Variants in TMEM132B observed in about 807,000 individuals in gnomAD.
TMEM132B encodes the protein transmembrane protein 132B.
In TMEM132B, 18 loss-of-function variants were observed where a neutral mutation model predicts 90.8. The observed-to-expected ratio is 0.20, with a 90% CI of 0.14 to 0.29. TMEM132B has a LOEUF of 0.29. Ranked by LOEUF, TMEM132B falls within the 10% of genes least tolerant of loss-of-function variation. TMEM132B has a pLI of 1.00. For synonymous variants in TMEM132B, 504 were observed against 523.3 expected, an observed-to-expected ratio of 0.96 and a Z score of 0.50; for missense variants, 1,096 against 1,326.8, an observed-to-expected ratio of 0.83 and a Z score of 2.70.
rs1566041169 is a variant in TMEM132B, at chr12:125,454,392, T to TTTGTGTGTGTG, written c.1106+38716_1106+38717insTGTGTGTGTGT. On this transcript the variant is annotated intron_variant, in intron 3 of 8. Coordinates refer to ENST00000682704, the MANE Select transcript of TMEM132B (RefSeq NM_001366854.1). ...CAGCCAGCCGTGTGTGTGTGTGTGT[T>TTTGTGTGTGTG]TGTGTGTGTGTGTGTGTGTGTGTGT... Among the ~76,000 whole-genome samples, 115 of 112,078 alleles carry TTTGTGTGTGTG rather than the reference T, an allele frequency of 1.0e-3. 2 individuals are homozygous for TTTGTGTGTGTG. Among genetic ancestry groups the TTTGTGTGTGTG allele is most frequent in the Middle Eastern group, 6.3e-3 (1 of 160 alleles). The allele number at this position is 112,078 out of a possible 152,430, so 73.5% of individuals were successfully genotyped here.
At chr12:125,393,490 G>A (rs753646639) in intron 2 of TMEM132B, among the ~76,000 whole-genome samples, 9 of 152,008 alleles carry the variant, frequency 5.9e-5, no homozygotes, top group Non-Finnish European at 1.0e-4. Flanking sequence ...CCTGGAGGAG[G>A]CATCAATTAA....
At chr12:125,313,567 CT>C (rs1390772201) in intron 1 of TMEM132B, among the ~76,000 whole-genome samples, 1 of 88,508 alleles carries the variant, frequency 1.1e-5, no homozygotes, top group East Asian at 4.9e-4. Flanking sequence ...TCCCCCTCCC[CT>C]CTCCTTTCCC....
intron 4 of TMEM132B, among the ~76,000 whole-genome samples, chr12:125,578,321 T>A (rs566466218): frequency 1.3e-5 from 2 of 152,314 alleles, no homozygotes; most frequent in South Asian, 4.1e-4. Context: ...TTATATTTTC[T>A]TGTTGATTGA....
intron 1 of TMEM132B, among the ~76,000 whole-genome samples, chr12:125,299,327 C>T (rs547883428): frequency 1.6e-4 from 24 of 152,266 alleles, no homozygotes; most frequent in Non-Finnish European, 2.1e-4. Context: ...GGACTCATCA[C>T]TCACTGGCTT....
chr12:125,205,133 G>A (rs1177184020), intron 1 of TMEM132B, among the ~76,000 whole-genome samples: 1 of 150,736 alleles, frequency 6.6e-6, no homozygotes, highest in African/African-American at 2.4e-5. Flanking sequence ...CTCTTTATGT[G>A]GAGTATCTCA....
chr12:125,557,466 C>A (rs117758808), intron 4 of TMEM132B, among the ~76,000 whole-genome samples: 2,603 of 152,266 alleles, frequency 0.017, 22 homozygotes, highest in Middle Eastern at 0.078. Context: ...TATTACATAT[C>A]ATCTGGGTCA....
chr12:125,364,361 A>G (rs1424348317), intron 2 of TMEM132B, among the ~76,000 whole-genome samples: 1 of 152,228 alleles, frequency 6.6e-6, no homozygotes, highest in South Asian at 2.1e-4. Flanking sequence ...GTGAGAATCC[A>G]TATACCCACC....
chr12:125,566,135 C>CTTTA (rs1329944905), intron 4 of TMEM132B, among the ~76,000 whole-genome samples: 1 of 152,192 alleles, frequency 6.6e-6, no homozygotes, highest in Non-Finnish European at 1.5e-5. Context: ...TGACCAAAAC[C>CTTTA]TTTAGTACCT....
chr12:125,418,517 C>G (rs1223379040), intron 3 of TMEM132B, among the ~76,000 whole-genome samples: 1 of 152,078 alleles, frequency 6.6e-6, no homozygotes, highest in Non-Finnish European at 1.5e-5. Context: ...CTTTTTATCC[C>G]TTTTTTTGTT....
At chr12:125,303,097 T>C (rs963495719) in intron 1 of TMEM132B, among the ~76,000 whole-genome samples, 14 of 147,840 alleles carry the variant, frequency 9.5e-5, no homozygotes, top group African/African-American at 3.5e-4. Context: ...CTCTGCATAT[T>C]AAAAAAAAAA....
intron 5 of TMEM132B, among the ~76,000 whole-genome samples, chr12:125,606,756 C>T (rs889850841): frequency 3.9e-5 from 6 of 152,216 alleles, no homozygotes; most frequent in Non-Finnish European, 7.3e-5. Context: ...GCTCCAGTCC[C>T]GGTGACCTGG....
At chr12:125,206,921 C>A (rs773588332) in intron 1 of TMEM132B, among the ~76,000 whole-genome samples, 1 of 152,192 alleles carries the variant, frequency 6.6e-6, no homozygotes, top group Non-Finnish European at 1.5e-5. Flanking sequence ...GCAATTGGCT[C>A]GTTCCTCCCA....
intron 1 of TMEM132B, among the ~76,000 whole-genome samples, chr12:125,340,575 A>G (rs189732609): frequency 2.4e-4 from 37 of 152,296 alleles, no homozygotes; most frequent in African/African-American, 8.9e-4. Flanking sequence ...GTTGTATTTC[A>G]AATTGTGTGC....
chr12:125,190,308 G>T (rs569568765), intron 1 of TMEM132B, among the ~76,000 whole-genome samples: 4 of 152,156 alleles, frequency 2.6e-5, no homozygotes, highest in Admixed American at 6.5e-5. Flanking sequence ...AATGACAGCC[G>T]CCTGGCCTGG....
chr12:125,581,433 C>T (rs1305113972), intron 4 of TMEM132B, among the ~76,000 whole-genome samples: 1 of 152,184 alleles, frequency 6.6e-6, no homozygotes, highest in Non-Finnish European at 1.5e-5. Flanking sequence ...TTTCTAGCTC[C>T]TACTCTTGTC....
intron 1 of TMEM132B, among the ~76,000 whole-genome samples, chr12:125,268,027 C>A (rs1218914785): frequency 2.6e-5 from 4 of 152,128 alleles, no homozygotes; most frequent in Non-Finnish European, 5.9e-5. Flanking sequence ...AGGAGGATGG[C>A]TTGAGCCCAG....
intron 2 of TMEM132B, among the ~76,000 whole-genome samples, chr12:125,365,220 T>A (rs1188898605): frequency 1.3e-5 from 2 of 151,990 alleles, no homozygotes; most frequent in Non-Finnish European, 2.9e-5. Context: ...TTGCATTATA[T>A]TTTTAGTAGT....
intron 1 of TMEM132B, among the ~76,000 whole-genome samples, chr12:125,252,210 C>T (rs988081382): frequency 6.6e-6 from 1 of 152,190 alleles, no homozygotes; most frequent in Non-Finnish European, 1.5e-5. Context: ...GCTAGTGGGC[C>T]TCAGGAAGGG....
chr12:125,544,682 C>T (rs16919208), intron 4 of TMEM132B, among the ~76,000 whole-genome samples: 9,520 of 152,220 alleles, frequency 0.063, 883 homozygotes, highest in African/African-American at 0.2. Context: ...CTACACCTGT[C>T]CCGCAGTCAA....
Sources: allele counts gnomAD v4.1 joint callset (sites outside exome capture counted in the v4.1 genomes callset), GRCh38; gene constraint gnomAD v4.1.1; transcripts MANE v1.5; gene names NCBI Gene and HGNC (gene_info 2026-07-23, HGNC 2026-07-21).